The following KCNH2 variants were observed in gnomAD, a reference collection of about 807,000 sequenced individuals.
The protein encoded by KCNH2 is voltage-gated inwardly rectifying potassium channel KCNH2.
A neutral mutation model predicts 95.9 loss-of-function variants in KCNH2; 35 were observed. The observed-to-expected ratio is 0.37, with a 90% CI of 0.28 to 0.48. KCNH2 has a LOEUF of 0.48. KCNH2 is among the 20% of genes least tolerant of loss of function. The pLI, the probability that KCNH2 is intolerant of heterozygous loss-of-function variation, is 0.99. For missense variants in KCNH2, 1,274 were observed against 1,702.9 expected, an observed-to-expected ratio of 0.75 and a Z score of 4.43; for synonymous variants, 786 against 754.7, an observed-to-expected ratio of 1.04 and a Z score of -0.68.
At chr7:150,955,730 ATGG>A in intron 5 of KCNH2, 1 of 1,317,196 alleles carries the variant, frequency 7.6e-7, no homozygotes, top group African/African-American at 1.5e-5. Flanking sequence ...CGAGCTGCCC[ATGG>A]CCCCGTGGCG....
intron 2 of KCNH2, among the ~76,000 whole-genome samples, chr7:150,964,640 T>C (rs1801653322): frequency 6.6e-6 from 1 of 152,224 alleles, no homozygotes; most frequent in Non-Finnish European, 1.5e-5. Context: ...GGCGGGGTGC[T>C]GGGTCCCTGC....
intron 2 of KCNH2, among the ~76,000 whole-genome samples, chr7:150,960,069 A>G (rs1414377940): frequency 2.0e-5 from 3 of 150,472 alleles, no homozygotes; most frequent in Non-Finnish European, 4.4e-5. Flanking sequence ...TTTCCTCCCT[A>G]TCTCATTTCC....
Position 150,959,598 on chromosome 7 carries a change from C to A in KCNH2, c.446G>T (p.Gly149Val), listed in dbSNP as rs199472865. 3.7e-6 allele frequency: 6 copies of A among 1,613,922 alleles called. No individual in the cohort carries two copies. In the African/African-American group the frequency reaches 6.7e-5, roughly 18 times the overall value. ...TGGGGCCAGCCAGCTGGTGGGGGGGCCCCGGTGGTTGGTGTCATGAGCCGG... is the reference window on the plus strand; with the variant it reads ...TGGGGCCAGCCAGCTGGTGGGGGGGACCCGGTGGTTGGTGTCATGAGCCGG... ...GSPAHDTNHR[G>V]PPTSWLAPGR... Residue 149 changes from glycine (G) to valine (V), a missense_variant, in exon 3 of 15, where the codon GGC becomes GTC. Gly to Val is a moderately radical substitution (Grantham distance 109, BLOSUM62 -3). Coordinates refer to ENST00000262186, the MANE Select transcript of KCNH2 (RefSeq NM_000238.4).
rs79624542 is a variant in KCNH2, at chr7:150,951,031, G to A, written c.2035C>T (p.Arg679Trp). The change falls in exon 8 of 15, where the codon CGG (arginine) becomes TGG (tryptophan). Residue 679 changes from arginine to tryptophan, a missense_variant. Transcript: ENST00000262186. ...GTARYHTQMLRVREFIRFHQI... is the reference protein window; with the variant it reads ...GTARYHTQMLWVREFIRFHQI... ...TGGAAGCGGATGAACTCCCGCACCC[G>A]CAGCATCTGTGTGTGGTAGCGGGCT... The A allele has an allele frequency of 5.6e-6, 9 of 1,614,058 alleles. No individual in the cohort carries two copies. Among genetic ancestry groups the A allele is most frequent in the East Asian group, 2.2e-5 (1 of 44,902 alleles).
At chr7:150,955,026 C>T (rs1399519351) in intron 5 of KCNH2, among the ~76,000 whole-genome samples, 1 of 152,252 alleles carries the variant, frequency 6.6e-6, no homozygotes, top group African/African-American at 2.4e-5. Context: ...CATGCCAGGC[C>T]CAGCTGTCGC....
chr7:150,945,497 C>G lies in KCNH2; in HGVS notation c.3348G>C (p.Ala1116=). ...DSLSQVSQFM[A]CEELPPGAPE... ...GGGCCCCCGGGGGCAGCTCCTCACA[C>G]GCCATGAACTGGGAAACCTGCAATA... The change falls in exon 15 of 15, where the codon GCG becomes GCC. Residue 1116 remains alanine, a synonymous_variant. Transcript: ENST00000262186. This position sits in a 1 kb window ranked among gnomAD's most constrained non-coding sequence, Gnocchi z 5.6. The G allele has an allele frequency of 6.4e-7, 1 of 1,557,782 alleles. No homozygotes were observed. The highest frequency in any genetic ancestry group is 1.4e-5 in the African/African-American group (1 of 72,804).
At chr7:150,974,690 C>T in intron 2 of KCNH2, 21 bp downstream of exon 2, 2 of 1,560,772 alleles carry the variant, frequency 1.3e-6, no homozygotes, top group Non-Finnish European at 1.7e-6. Flanking sequence ...TGGTCGTGGC[C>T]CCGCCCCGGC....
rs1427310494 is a variant in KCNH2 at position 150,961,090 on chromosome 7, T to G, written c.308-1354A>C. Among the ~76,000 whole-genome samples the G allele has an allele frequency of 1.3e-5, 2 of 152,050 alleles. No homozygotes were observed. Among genetic ancestry groups the G allele is most frequent in the South Asian group, 2.1e-4 (1 of 4,818 alleles). ...AGGGAGCCTCTTCCTTCCTCTCAGC[T>G]CCCCCTCTGCTCAGCTGTCTTCTCT... On this transcript the variant is annotated intron_variant, in intron 2 of 14. Transcript: ENST00000262186. The surrounding 1 kb of genome is among the most constrained non-coding windows in gnomAD (Gnocchi z 6.2).
intron 1 of KCNH2, among the ~76,000 whole-genome samples, chr7:150,975,572 G>A (rs1010923974): frequency 6.6e-6 from 1 of 152,072 alleles, no homozygotes; most frequent in Non-Finnish European, 1.5e-5. Context: ...GAAGTTACAC[G>A]TTGAACACCT....
intron 9 of KCNH2, chr7:150,949,660 G>T: frequency 8.8e-7 from 1 of 1,130,730 alleles, no homozygotes; most frequent in Non-Finnish European, 1.1e-6. Flanking sequence ...AGGGCCGAGG[G>T]AAGGACAGGC....
chr7:150,948,472 C>T lies in KCNH2; in HGVS notation c.2664G>A (p.Lys888=), dbSNP rs1299978600. Residue 888 remains lysine (K), a synonymous_variant, in exon 11 of 15, where the codon AAG becomes AAA. Coordinates refer to ENST00000262186, the MANE Select transcript of KCNH2 (RefSeq NM_000238.4). ...EGGFSRQRKR[K]LSFRRRTDKD... ...TGTCCGTGCGCCTGCGGAAGGACAA[C>T]TTGCGCTTGCGTTGCCGACTGAAGC... The T allele has an allele frequency of 6.4e-7, 1 of 1,550,446 alleles. No individual in the cohort carries two copies. The highest frequency in any genetic ancestry group is 1.7e-5 in the Admixed American group (1 of 57,804).
chr7:150,951,759 T>C lies in KCNH2; in HGVS notation c.1634A>G (p.Tyr545Cys). The C allele has an allele frequency of 6.2e-7, 1 of 1,606,956 alleles. No homozygotes were observed. Among genetic ancestry groups the C allele is most frequent in the Non-Finnish European group, 8.5e-7 (1 of 1,174,208 alleles). The change falls in exon 7 of 15, where the codon TAC becomes TGC. Residue 545 changes from tyrosine to cysteine, a missense_variant. Transcript: ENST00000262186. ...VARKLDRYSE[Y>C]GAAVLFLLMC... ...GAGCAAGAACAGCACGGCCGCGCCG[T>C]ACTCTGAGTAGCGATCCAGCTTCCG... is the stretch of plus-strand genomic sequence containing the variant.
chr7:150,950,516 C>T (rs1801107453), intron 8 of KCNH2, 96 bp from the exon 9 acceptor site: 9 of 1,494,432 alleles, frequency 6.0e-6, no homozygotes, highest in Non-Finnish European at 8.1e-6. Flanking sequence ...TCAGAGAAAT[C>T]TCAACCTCCA....
Position 150,947,360 on chromosome 7 carries a change from G to A in KCNH2, c.3120C>T (p.Ser1040=), listed in dbSNP as rs543615478. 40 of 1,546,174 alleles carry A rather than the reference G, an allele frequency of 2.6e-5. No homozygotes were observed. In the South Asian group the frequency reaches 4.8e-4, roughly 18 times the overall value. The stretch of plus-strand genomic sequence containing the variant: ...GCTGGCGCTGGAGGGCATCCAGCCT[G>A]CTCTCCACGTCGCCCCGGGGCCGCC... ...PGRRPRGDVE[S]RLDALQRQLN... is the part of the protein sequence containing the mutation. The change falls in exon 13 of 15, where the codon AGC becomes AGT. Residue 1040 remains serine (S), a synonymous_variant. Transcript: ENST00000262186.
chr7:150,977,499 C>G (rs1378420122), intron 1 of KCNH2, among the ~76,000 whole-genome samples: 2 of 152,170 alleles, frequency 1.3e-5, no homozygotes, highest in Admixed American at 1.3e-4. Flanking sequence ...TTGCACACAG[C>G]CCCATCCACG....
rs41309011 is a variant in KCNH2 at position 150,976,475 on chromosome 7, G to A, written c.76+1363C>T. ...CTCTGCCACAGTCCAAGGCAGTCCA[G>A]AGGCCCAGCCACACACCCCAGCTTC... is the stretch of plus-strand genomic sequence containing the variant. On this transcript the variant is annotated intron_variant, in intron 1 of 14. Transcript: ENST00000262186. Among the ~76,000 whole-genome samples, 753 of 152,252 alleles carry A rather than the reference G, an allele frequency of 4.9e-3. 8 individuals are homozygous for A. The highest frequency in any genetic ancestry group is 0.017 in the African/African-American group (718 of 41,530).
At position 150,949,671 on chromosome 7, in the gene KCNH2, A is replaced by G. The variant is rs1380314800; in HGVS notation, c.2398+497T>C. On this transcript the variant is annotated intron_variant, in intron 9 of 14. Transcript: ENST00000262186. ...ACACAGGGCCGAGGGAAGGACAGGC[A>G]AAGGGGGAGGAAGTCCTCAGTGTCC... 4 of 1,140,076 alleles carry G rather than the reference A, an allele frequency of 3.5e-6. No individual in the cohort carries two copies. The African/African-American group carries it at 4.9e-5, about 14-fold the overall frequency. 70.6% of individuals were successfully genotyped at this position (1,140,076 alleles called of 1,614,324 possible).
rs1242018763 is a variant in KCNH2 at position 150,952,752 on chromosome 7, C to T, written c.1230G>A (p.Trp410Ter). 6.2e-7 allele frequency: 1 copy of T among 1,613,890 alleles called. No individual in the cohort carries two copies. The highest frequency in any genetic ancestry group is 1.7e-5 in the Admixed American group (1 of 59,990). The part of the protein sequence containing the change: ...ILHYSPFKAV[W>*]DWLILLLVIY... ...TGACCAGCAGCAGGATGAGCCAGTC[C>T]CACACGGCCTTGAAGGGGCTGTAAT... Residue 410 changes from tryptophan to a stop codon, truncating the protein, a stop_gained, in exon 6 of 15, where the codon TGG (tryptophan) becomes TGA (stop). Coordinates refer to ENST00000262186, the MANE Select transcript of KCNH2 (RefSeq NM_000238.4). LOFTEE classifies it high-confidence loss of function. The surrounding 1 kb of genome is among the most constrained non-coding windows in gnomAD (Gnocchi z 7.3).
rs1800941772 is a variant in KCNH2 at position 150,947,407 on chromosome 7, T to C, written c.3073A>G (p.Ile1025Val). ...CPAPTPSLLN[I>V]PLSSPGRRPR... ...CGCCGACCCGGGCTGGAGAGGGGGA[T>C]GTTGAGGAGGCTGGGGGTGGGGGCG... The change falls in exon 13 of 15, where the codon ATC becomes GTC. Residue 1025 changes from isoleucine (I) to valine (V), a missense_variant. By Grantham distance (29) the Ile-to-Val change is conservative (BLOSUM62 3). Coordinates refer to ENST00000262186, the MANE Select transcript of KCNH2 (RefSeq NM_000238.4). The C allele has an allele frequency of 6.5e-7, 1 of 1,549,230 alleles. No homozygotes were observed. The highest frequency in any genetic ancestry group is 8.7e-7 in the Non-Finnish European group (1 of 1,146,312).
Sources: allele counts gnomAD v4.1 joint callset (sites outside exome capture counted in the v4.1 genomes callset), GRCh38; gene constraint gnomAD v4.1.1; non-coding constraint Gnocchi (gnomAD v3.1); transcripts MANE v1.5; gene names NCBI Gene and HGNC (gene_info 2026-07-23, HGNC 2026-07-21).